CORO1C: variants seen among roughly 807,000 people sequenced by gnomAD.
CORO1C encodes coronin 1C, also known as coronin-1C.
Under a neutral mutation model 51.2 loss-of-function variants are expected in CORO1C, and 14 were observed. The ratio of observed to expected loss-of-function variants is 0.27; its 90% CI spans 0.18 to 0.43. The LOEUF is 0.43. CORO1C is among the 20% of genes least tolerant of loss of function. The pLI, the probability that CORO1C is intolerant of heterozygous loss-of-function variation, is 1.00. For synonymous variants in CORO1C, 181 were observed against 210.5 expected (o/e 0.86, Z 1.21); for missense variants, 417 against 607.8 (o/e 0.69, Z 3.30).
intron 2 of CORO1C, among the ~76,000 whole-genome samples, chr12:108,688,018 G>C (rs2034361895): frequency 6.6e-6 from 1 of 151,006 alleles, no homozygotes; most frequent in African/African-American, 2.4e-5. Flanking sequence ...CCACCTCCCA[G>C]GTACAGGCGA....
At chr12:108,676,316 C>G (rs905611846) in intron 3 of CORO1C, among the ~76,000 whole-genome samples, 6 of 152,112 alleles carry the variant, frequency 3.9e-5, no homozygotes, top group Non-Finnish European at 8.8e-5. Flanking sequence ...ACTTAACTCC[C>G]TGAGTCTGCT....
At chr12:108,723,855 T>C (rs1449788130) in intron 1 of CORO1C, among the ~76,000 whole-genome samples, 3 of 152,238 alleles carry the variant, frequency 2.0e-5, no homozygotes, top group African/African-American at 7.2e-5. Flanking sequence ...CCAATTTTTC[T>C]GGCAAGATGC....
intron 2 of CORO1C, among the ~76,000 whole-genome samples, chr12:108,697,837 A>G (rs935980770): frequency 1.3e-5 from 2 of 152,368 alleles, no homozygotes; most frequent in African/African-American, 2.4e-5. Context: ...CTAATCGTAT[A>G]TGAAGACTCA....
chr12:108,700,829 C>A, intron 2 of CORO1C: 2 of 265,966 alleles, frequency 7.5e-6, no homozygotes, highest in Admixed American at 4.8e-5. Flanking sequence ...TTGTGAAAAG[C>A]AGATGATTAA....
At chr12:108,669,598 A>G (rs939567131) in intron 3 of CORO1C, among the ~76,000 whole-genome samples, 1 of 138,362 alleles carries the variant, frequency 7.2e-6, no homozygotes, top group African/African-American at 2.7e-5. Context: ...AGGCCTTGTT[A>G]TACTATCTAC....
chr12:108,678,462 C>A, intron 2 of CORO1C, 68 bp from the exon 3 acceptor site: 1 of 1,326,124 alleles, frequency 7.5e-7, no homozygotes, highest in African/African-American at 1.5e-5. Flanking sequence ...TTTTCTCAGG[C>A]CCATTTCTCA....
intron 3 of CORO1C, among the ~76,000 whole-genome samples, chr12:108,667,049 C>T (rs757827274): frequency 1.3e-4 from 19 of 151,112 alleles, no homozygotes; most frequent in Non-Finnish European, 2.7e-4. Context: ...TATTATCATG[C>T]ACATAAAGGC....
Position 108,654,418 on chromosome 12 carries a change from G to A in CORO1C, c.751-8C>T, listed in dbSNP as rs762969153. On this transcript the variant is annotated splice_region_variant and splice_polypyrimidine_tract_variant and intron_variant, in intron 6 of 10. Coordinates refer to ENST00000261401, the MANE Select transcript of CORO1C (RefSeq NM_014325.4). Reference sequence around the variant, plus strand: ...TGGTTCCTGCATATTTTTCTGGGGGGAAGATAATAATAATACATATATGTG... The same window carrying A: ...TGGTTCCTGCATATTTTTCTGGGGGAAAGATAATAATAATACATATATGTG... The A allele has an allele frequency of 4.6e-6, 7 of 1,522,216 alleles. No homozygotes were observed. Among genetic ancestry groups the A allele is most frequent in the East Asian group, 2.3e-5 (1 of 44,432 alleles). The allele number at this position is 1,522,216 out of a possible 1,614,324, so 94.3% of individuals were successfully genotyped here.
intron 3 of CORO1C, among the ~76,000 whole-genome samples, chr12:108,670,137 G>A (rs2033659686): frequency 1.3e-5 from 2 of 152,096 alleles, no homozygotes; most frequent in African/African-American, 4.8e-5. Flanking sequence ...CAAAAATCCA[G>A]GGACAACATT....
intron 3 of CORO1C, among the ~76,000 whole-genome samples, chr12:108,663,376 C>G (rs535149157): frequency 6.6e-6 from 1 of 152,174 alleles, no homozygotes; most frequent in Non-Finnish European, 1.5e-5. Context: ...AAAACTTGTA[C>G]AAGAATGTTC....
chr12:108,691,607 A>G (rs567411029), intron 2 of CORO1C, among the ~76,000 whole-genome samples: 11 of 152,040 alleles, frequency 7.2e-5, no homozygotes, highest in Admixed American at 3.9e-4. Context: ...TTCACCACAC[A>G]CTCCCAGATC....
At chr12:108,721,360 AG>A (rs2035469275) in intron 1 of CORO1C, among the ~76,000 whole-genome samples, 1 of 152,200 alleles carries the variant, frequency 6.6e-6, no homozygotes, top group Non-Finnish European at 1.5e-5. Context: ...GCACACCCTC[AG>A]GCAGGATCTC....
intron 2 of CORO1C, among the ~76,000 whole-genome samples, chr12:108,682,227 G>A (rs116680636): frequency 1.1e-3 from 163 of 152,018 alleles, no homozygotes; most frequent in African/African-American, 3.7e-3. Flanking sequence ...AAAGATGGTG[G>A]AAATAAAACC....
intron 1 of CORO1C, among the ~76,000 whole-genome samples, chr12:108,726,278 G>C (rs1184411657): frequency 6.6e-6 from 1 of 151,972 alleles, no homozygotes; most frequent in Non-Finnish European, 1.5e-5. Flanking sequence ...AATTAGCCGG[G>C]TGTAGTGGCG....
chr12:108,719,371 AT>A (rs540205562), intron 1 of CORO1C, among the ~76,000 whole-genome samples: 24 of 152,344 alleles, frequency 1.6e-4, no homozygotes, highest in African/African-American at 5.5e-4. Context: ...AAAATAATTC[AT>A]TTTTTGTGAC....
intron 1 of CORO1C, among the ~76,000 whole-genome samples, chr12:108,704,151 T>C (rs1451751486): frequency 6.6e-6 from 1 of 152,096 alleles, no homozygotes; most frequent in Non-Finnish European, 1.5e-5. Flanking sequence ...ACTATACAAA[T>C]CTTCTGGCTG....
intron 2 of CORO1C, among the ~76,000 whole-genome samples, chr12:108,692,519 G>A (rs1348815358): frequency 6.6e-6 from 1 of 152,240 alleles, no homozygotes; most frequent in Non-Finnish European, 1.5e-5. Context: ...AGCACTGTCA[G>A]GAGACTGCCA....
At chr12:108,701,449 T>C (rs1337171259) in intron 1 of CORO1C, 126 bp from the exon 2 acceptor site, 6 of 1,451,342 alleles carry the variant, frequency 4.1e-6, no homozygotes, top group East Asian at 2.4e-5. Context: ...TCCTAAAAAG[T>C]AGCCAAATTG....
At position 108,701,509 on chromosome 12, in the gene CORO1C, C is replaced by G. The variant is rs753543104; in HGVS notation, c.-5-186G>C. The G allele has an allele frequency of 4.9e-5, 37 of 757,714 alleles. No homozygotes were observed. The East Asian group carries it at 1.0e-3, about 20-fold the overall frequency. 46.9% of individuals were successfully genotyped at this position (757,714 alleles called of 1,614,324 possible). A position where few individuals can be genotyped will look rare whatever the true frequency, so the allele number is the denominator to read the frequency against. On this transcript the variant is annotated intron_variant, in intron 1 of 10. Transcript: ENST00000261401. ...CATACCCGGAGACAACTGCAAAATG[C>G]GTCAGGGAAAGAATTACAAAGAAAT...
Sources: allele counts gnomAD v4.1 joint callset (sites outside exome capture counted in the v4.1 genomes callset), GRCh38; gene constraint gnomAD v4.1.1; transcripts MANE v1.5; gene names NCBI Gene and HGNC (gene_info 2026-07-23, HGNC 2026-07-21).